FIG4: variants seen among roughly 807,000 people sequenced by gnomAD.
The protein encoded by FIG4 is polyphosphoinositide phosphatase.
FIG4 carries 112 observed loss-of-function variants against 118.6 expected under a neutral mutation model. The observed-to-expected ratio is 0.94, with a 90% CI of 0.81 to 1.11. The LOEUF (loss-of-function observed/expected upper bound fraction) is 1.11, where lower values mean the gene tolerates loss of function less well. Ranked by LOEUF, FIG4 falls within the 50% of genes least tolerant of loss-of-function variation. The pLI, the probability that FIG4 is intolerant of heterozygous loss-of-function variation, is 0.00. For synonymous variants in FIG4, 369 were observed against 381.2 expected, an observed-to-expected ratio of 0.97 and a Z score of 0.37; for missense variants, 969 against 1,111.7, an observed-to-expected ratio of 0.87 and a Z score of 1.83.
At chr6:109,759,528 A>G (rs1451646122) in intron 10 of FIG4, among the ~76,000 whole-genome samples, 2 of 152,212 alleles carry the variant, frequency 1.3e-5, no homozygotes, top group Non-Finnish European at 2.9e-5. Context: ...ATGGAGGCCT[A>G]GGGAAATTGA....
chr6:109,811,342 C>G (rs1467410639), intron 22 of FIG4, among the ~76,000 whole-genome samples: 1 of 152,144 alleles, frequency 6.6e-6, no homozygotes, highest in African/African-American at 2.4e-5. Flanking sequence ...GTATCCATTA[C>G]TCGAGTACTC....
chr6:109,718,705 G>T (rs955081483), intron 3 of FIG4, among the ~76,000 whole-genome samples: 3 of 152,094 alleles, frequency 2.0e-5, no homozygotes, highest in Admixed American at 6.6e-5. Flanking sequence ...TTGAATGGAT[G>T]AGTGTTTGTG....
rs192209196 is a variant in FIG4 at position 109,792,686 on chromosome 6, A to G, written c.2459+22A>G. 19,408 of 1,264,084 alleles carry G rather than the reference A, an allele frequency of 0.015. 226 individuals carry two copies. The highest frequency in any genetic ancestry group is 0.016 in the Non-Finnish European group (13,541 of 867,270). The allele number at this position is 1,264,084 out of a possible 1,614,324, so 78.3% of individuals were successfully genotyped here. ...CAAGGTGAGATACTTTCATGTAGAT[A>G]TTAAAGAAAAATGAATATTTATAAT... is the stretch of plus-strand genomic sequence containing the variant. On this transcript the variant is annotated intron_variant, in intron 21 of 22. Coordinates refer to ENST00000230124, the MANE Select transcript of FIG4 (RefSeq NM_014845.6).
chr6:109,721,132 G>A (rs184026795), intron 3 of FIG4, among the ~76,000 whole-genome samples: 119 of 152,102 alleles, frequency 7.8e-4, no homozygotes, highest in Non-Finnish European at 1.0e-3. Flanking sequence ...GTATCAATAC[G>A]GTACACTGTG....
chr6:109,736,632 G>C (rs1776166482), intron 6 of FIG4, among the ~76,000 whole-genome samples: 1 of 152,136 alleles, frequency 6.6e-6, no homozygotes, highest in South Asian at 2.1e-4. Context: ...TTGAATATCT[G>C]TTCTGGGATG....
rs550585093 is a variant in FIG4, at chr6:109,691,298, T to C, written c.-138T>C. The C allele has an allele frequency of 8.9e-5, 65 of 727,326 alleles. No homozygotes were observed. Among genetic ancestry groups the C allele is most frequent in the Admixed American group, 2.7e-4 (13 of 47,764 alleles). 45.1% of individuals were successfully genotyped at this position (727,326 alleles called of 1,614,324 possible). A position where few individuals can be genotyped will look rare whatever the true frequency, so the allele number is the denominator to read the frequency against. Reference sequence around the variant, plus strand: ...GGCGCAGGGATCCGGAAACACCTGATCATCTATAGGTTTAGTGCCTAATGG... The same window carrying C: ...GGCGCAGGGATCCGGAAACACCTGACCATCTATAGGTTTAGTGCCTAATGG... On this transcript the variant is annotated 5_prime_UTR_variant, in exon 1 of 23. Transcript: ENST00000230124.
At chr6:109,742,033 C>T (rs370178162) in intron 8 of FIG4, among the ~76,000 whole-genome samples, 1 of 151,938 alleles carries the variant, frequency 6.6e-6, no homozygotes, top group Non-Finnish European at 1.5e-5. Flanking sequence ...GCATCTGAAA[C>T]ATGTGAGAAA....
chr6:109,791,563 G>T lies in FIG4; in HGVS notation c.2368G>T (p.Val790Leu). 6.2e-7 allele frequency: 1 copy of T among 1,613,834 alleles called. No homozygotes were observed. The highest frequency in any genetic ancestry group is 8.5e-7 in the Non-Finnish European group (1 of 1,179,960). The change falls in exon 20 of 23, where the codon GTG becomes TTG. Residue 790 changes from valine (V) to leucine (L), a missense_variant. Physicochemically the swap from Val to Leu is conservative, Grantham distance 32. Transcript: ENST00000230124. ...GACTGATGCAGGAGACAGTGCCAAA[G>T]TGACCGAGGTGCGGGGGAGGGAAGC... ...KMTDAGDSAK[V>L]TENVVQPMKE...
chr6:109,737,298 AC>A (rs1360016721), intron 6 of FIG4, among the ~76,000 whole-genome samples: 7 of 152,314 alleles, frequency 4.6e-5, no homozygotes, highest in African/African-American at 1.7e-4. Flanking sequence ...CATGTCAGGT[AC>A]TTTGCATATA....
intron 7 of FIG4, among the ~76,000 whole-genome samples, chr6:109,740,400 A>G (rs976286319): frequency 6.6e-6 from 1 of 152,162 alleles, no homozygotes; most frequent in African/African-American, 2.4e-5. Context: ...GTAGCTTTTG[A>G]TAAGAGTAGT....
At chr6:109,798,316 GTTT>G (rs1252745963) in intron 22 of FIG4, among the ~76,000 whole-genome samples, 1 of 152,120 alleles carries the variant, frequency 6.6e-6, no homozygotes, top group Non-Finnish European at 1.5e-5. Context: ...TGACCCTTAG[GTTT>G]TTTGGTTTGT....
rs11153215 is a variant in FIG4, at chr6:109,732,518, T to G, written c.447-119T>G. The stretch of plus-strand genomic sequence containing the variant: ...TGTAATCCCTATTCTAGATATGGTT[T>G]GAATTCCTCAGCTTTAATGAGCATA... On this transcript the variant is annotated intron_variant, in intron 4 of 22. Coordinates refer to ENST00000230124, the MANE Select transcript of FIG4 (RefSeq NM_014845.6). The G allele has an allele frequency of 0.38, 255,712 of 673,784 alleles. 50,059 individuals are homozygous for G. Among genetic ancestry groups the G allele is most frequent in the South Asian group, 0.44 (27,102 of 61,774 alleles). The allele number at this position is 673,784 out of a possible 1,614,324, so 41.7% of individuals were successfully genotyped here.
At chr6:109,700,462 C>T (rs1774872589) in intron 1 of FIG4, among the ~76,000 whole-genome samples, 1 of 152,080 alleles carries the variant, frequency 6.6e-6, no homozygotes, top group South Asian at 2.1e-4. Context: ...ATAATTAAAG[C>T]AATAAAATGA....
chr6:109,691,537 G>A (rs1774406861), intron 1 of FIG4, 36 bp downstream of exon 1: 2 of 1,525,634 alleles, frequency 1.3e-6, no homozygotes, highest in Non-Finnish European at 1.8e-6. Flanking sequence ...CAGGCGGGAG[G>A]ATGGATGTCT....
intron 22 of FIG4, among the ~76,000 whole-genome samples, chr6:109,817,965 A>T (rs1778905366): frequency 6.6e-6 from 1 of 152,244 alleles, no homozygotes; most frequent in South Asian, 2.1e-4. Flanking sequence ...AGAGCTGAAG[A>T]AGTAGACCCT....
intron 3 of FIG4, among the ~76,000 whole-genome samples, chr6:109,726,487 G>T: frequency 6.6e-6 from 1 of 152,094 alleles, no homozygotes; most frequent in Non-Finnish European, 1.5e-5. Context: ...GTACCATGCT[G>T]TTTTGGTTAC....
intron 19 of FIG4, among the ~76,000 whole-genome samples, chr6:109,790,500 A>G (rs924770286): frequency 2.6e-5 from 4 of 152,224 alleles, no homozygotes; most frequent in African/African-American, 4.8e-5. Flanking sequence ...ATGACCAGCT[A>G]TATTAGTGTG....
At chr6:109,754,055 A>C (rs1483308792) in intron 10 of FIG4, among the ~76,000 whole-genome samples, 2 of 152,240 alleles carry the variant, frequency 1.3e-5, no homozygotes, top group East Asian at 3.8e-4. Context: ...TTGCCCATTC[A>C]GTATGATATT....
intron 10 of FIG4, among the ~76,000 whole-genome samples, chr6:109,745,009 T>G (rs959690467): frequency 3.3e-5 from 5 of 152,188 alleles, no homozygotes; most frequent in African/African-American, 1.2e-4. Flanking sequence ...CCATGGTGTA[T>G]ATGTGTCACA....
Sources: allele counts gnomAD v4.1 joint callset (sites outside exome capture counted in the v4.1 genomes callset), GRCh38; gene constraint gnomAD v4.1.1; transcripts MANE v1.5; gene names NCBI Gene and HGNC (gene_info 2026-07-23, HGNC 2026-07-21).